Variants in PIGN observed in about 807,000 individuals in gnomAD.
PIGN encodes the protein phosphatidylinositol glycan anchor biosynthesis class N, also known as GPI ethanolamine phosphate transferase 1.
Under a neutral mutation model 125.4 loss-of-function variants are expected in PIGN, and 117 were observed. The ratio of observed to expected loss-of-function variants is 0.93; its 90% confidence interval spans 0.80 to 1.09. The LOEUF (loss-of-function observed/expected upper bound fraction) is 1.09, where lower values mean the gene tolerates loss of function less well. Ranked by LOEUF, PIGN falls within the 50% of genes least tolerant of loss-of-function variation. PIGN has a pLI of 0.00. For missense variants in PIGN, 1,075 were observed against 1,094.9 expected, an observed-to-expected ratio of 0.98 and a Z score of 0.26; for synonymous variants, 392 against 377.8, an observed-to-expected ratio of 1.04 and a Z score of -0.44.
chr18:62,074,351 C>T (rs936995076), intron 29 of PIGN, among the ~76,000 whole-genome samples: 14 of 152,190 alleles, frequency 9.2e-5, no homozygotes, highest in Non-Finnish European at 1.5e-5. Flanking sequence ...GCAGCTACGT[C>T]TTGATTAACA....
intron 18 of PIGN, 25 bp from the exon 19 acceptor site, chr18:62,106,906 A>C (rs550942860): frequency 2.5e-6 from 4 of 1,578,650 alleles, no homozygotes; most frequent in Middle Eastern, 1.7e-4. Context: ...CAAAGAAGGA[A>C]TGAAAAATAA....
intron 1 of PIGN, 37 bp from the exon 2 acceptor site, chr18:62,163,693 T>C (rs1218696340): frequency 6.6e-6 from 1 of 152,140 alleles, no homozygotes; most frequent in Non-Finnish European, 1.5e-5. Context: ...GTTAAAAAAT[T>C]CACATAACAT....
chr18:62,151,066 C>G (rs1197458110), intron 7 of PIGN, among the ~76,000 whole-genome samples: 1 of 152,146 alleles, frequency 6.6e-6, no homozygotes, highest in Non-Finnish European at 1.5e-5. Flanking sequence ...TTATTAGCTG[C>G]ATAACAACAT....
chr18:62,048,993 A>G lies in PIGN; in HGVS notation c.2673-3014T>C, dbSNP rs1488397802. Among the ~76,000 whole-genome samples, 6 of 151,780 alleles carry G rather than the reference A, an allele frequency of 4.0e-5. No individual in the cohort carries two copies. The South Asian group carries it at 1.0e-3, about 26-fold the overall frequency. On this transcript the variant is annotated intron_variant, in intron 30 of 30. Coordinates refer to ENST00000640252, the MANE Select transcript of PIGN (RefSeq NM_176787.5). The stretch of plus-strand genomic sequence containing the variant: ...TTGCGATAGTTTACTGAGAATGATG[A>G]TTTCCAATTTCATCCATGTCCCTAC...
chr18:62,096,526 T>C (rs765585627), intron 22 of PIGN, among the ~76,000 whole-genome samples: 3 of 137,928 alleles, frequency 2.2e-5, no homozygotes, highest in African/African-American at 5.5e-5. Context: ...CTTTTTTTTT[T>C]TTTTTTTTTT....
In PIGN at chr18:62,114,552, T is replaced by TA; in HGVS notation, c.1251+8dup. 5 of 1,464,662 alleles carry TA rather than the reference T, an allele frequency of 3.4e-6. No homozygotes were observed. Among genetic ancestry groups the TA allele is most frequent in the Non-Finnish European group, 4.7e-6 (5 of 1,067,410 alleles). The allele number at this position is 1,464,662 out of a possible 1,614,324, so 90.7% of individuals were successfully genotyped here. On this transcript the variant is annotated intron_variant, in intron 15 of 30. Transcript: ENST00000640252. ...CAGCTATTTATGTCTATAAGGCCGG[T>TA]ATACTTACCACTTCATCAAACTTTC...
intron 3 of PIGN, 117 bp from the exon 4 acceptor site, chr18:62,161,502 CAACTT>C (rs1449107680): frequency 7.3e-6 from 4 of 548,832 alleles, no homozygotes; most frequent in South Asian, 2.8e-5. Flanking sequence ...ATATAACTCA[CAACTT>C]TACTTTCATT....
At chr18:62,182,346 A>G (rs9952208) in intron 1 of PIGN, among the ~76,000 whole-genome samples, 1,773 of 152,298 alleles carry the variant, frequency 0.012, 23 homozygotes, top group East Asian at 0.05. Flanking sequence ...TAGGTTTAAA[A>G]CCAAATTCAT....
chr18:62,031,635 C>A (rs1321682293), intron 23 of PIGN, among the ~76,000 whole-genome samples: 1 of 152,188 alleles, frequency 6.6e-6, no homozygotes, highest in East Asian at 1.9e-4. Context: ...AACATGCAGG[C>A]ACAGCCCGGA....
rs1021830804 is a variant in PIGN at position 62,046,076 on chromosome 18, T to C, written c.2673-97A>G. 3.1e-6 allele frequency: 4 copies of C among 1,296,896 alleles called. No individual in the cohort carries two copies. In the Admixed American group the frequency reaches 6.3e-5, roughly 21 times the overall value. 80.3% of individuals were successfully genotyped at this position (1,296,896 alleles called of 1,614,324 possible). On this transcript the variant is annotated intron_variant, in intron 30 of 30. Coordinates refer to ENST00000640252, the MANE Select transcript of PIGN (RefSeq NM_176787.5). ...GGTTTTAAATGGACAGATGAAAATC[T>C]CCACTTTCAGGAGCTGGAGTGGGTG...
chr18:62,062,881 G>GTTTTTT, intron 30 of PIGN, among the ~76,000 whole-genome samples: 1 of 22,470 alleles, frequency 4.5e-5, no homozygotes, highest in South Asian at 1.3e-3. Context: ...TTTGTATTCT[G>GTTTTTT]CTTTTTTTTT....
chr18:62,024,413 T>C (rs541859500), intron 23 of PIGN, among the ~76,000 whole-genome samples: 1 of 152,322 alleles, frequency 6.6e-6, no homozygotes, highest in South Asian at 2.1e-4. Context: ...CGATTTCCTC[T>C]AGCAGTAGAA....
At chr18:62,081,491 G>C (rs1173007795) in intron 28 of PIGN, among the ~76,000 whole-genome samples, 2 of 152,092 alleles carry the variant, frequency 1.3e-5, no homozygotes, top group East Asian at 3.9e-4. Flanking sequence ...ACCTTTCTGA[G>C]CCACCTTTGC....
chr18:62,118,098 A>T (rs2035158352), intron 14 of PIGN, among the ~76,000 whole-genome samples: 3 of 152,038 alleles, frequency 2.0e-5, no homozygotes, highest in Admixed American at 6.6e-5. Flanking sequence ...ATATTATTGG[A>T]TATTATTTAG....
chr18:62,127,128 G>A (rs1873180275), intron 14 of PIGN, among the ~76,000 whole-genome samples: 2 of 152,030 alleles, frequency 1.3e-5, no homozygotes, highest in African/African-American at 4.8e-5. Flanking sequence ...CTGTTACTTG[G>A]GGGAAGTATC....
chr18:62,165,584 G>T (rs554302942), intron 1 of PIGN, among the ~76,000 whole-genome samples: 1 of 152,134 alleles, frequency 6.6e-6, no homozygotes, highest in Admixed American at 6.6e-5. Flanking sequence ...ATTTAAGCTC[G>T]AGATGCCATA....
chr18:62,174,976 A>G (rs1052301868), intron 1 of PIGN, among the ~76,000 whole-genome samples: 3 of 149,230 alleles, frequency 2.0e-5, no homozygotes, highest in African/African-American at 7.3e-5. Context: ...TTTCTTGATT[A>G]CAGACTCACA....
intron 11 of PIGN, among the ~76,000 whole-genome samples, chr18:62,141,797 A>C (rs763240305): frequency 5.3e-5 from 8 of 152,180 alleles, no homozygotes; most frequent in East Asian, 3.9e-4. Context: ...TGAGACCCTG[A>C]AGGGGCTGCG....
At chr18:62,084,680 T>A in intron 26 of PIGN, 74 bp from the exon 27 acceptor site, 1 of 944,410 alleles carries the variant, frequency 1.1e-6, no homozygotes, top group Non-Finnish European at 1.7e-6. Flanking sequence ...TCTAAAAAGA[T>A]GTTTAAACTA....
Sources: gnomAD v4.1 joint callset for allele counts (sites outside exome capture counted in the v4.1 genomes callset) on GRCh38, gnomAD v4.1.1 for gene constraint, MANE v1.5 for transcripts, NCBI Gene and HGNC (gene_info 2026-07-23, HGNC 2026-07-21) for gene names.